Variants in LNX1 observed in about 807,000 individuals in gnomAD.
The protein encoded by LNX1 is E3 ubiquitin-protein ligase LNX.
In LNX1, 54 loss-of-function variants were observed where a neutral mutation model predicts 68.4. The observed-to-expected ratio is 0.79, with a 90% confidence interval of 0.63 to 0.99. The LOEUF (loss-of-function observed/expected upper bound fraction) is 0.99, where lower values mean the gene tolerates loss of function less well. Ranked by LOEUF, LNX1 falls within the 50% of genes least tolerant of loss-of-function variation. The probability of loss-of-function intolerance (pLI) is 0.00; values close to 1 mark genes in which losing one functional copy is unlikely to be tolerated. For missense variants in LNX1, 906 were observed against 926.4 expected, an observed-to-expected ratio of 0.98 and a Z score of 0.29; for synonymous variants, 336 against 350.0, an observed-to-expected ratio of 0.96 and a Z score of 0.45.
chr4:53,462,687 C>A (rs1231795095), intron 9 of LNX1, among the ~76,000 whole-genome samples: 1 of 152,060 alleles, frequency 6.6e-6, no homozygotes, highest in Non-Finnish European at 1.5e-5. Context: ...TAGGGTTTGG[C>A]AAATACCTTT....
intron 2 of LNX1, among the ~76,000 whole-genome samples, chr4:53,561,442 G>A (rs1730279713): frequency 6.6e-6 from 1 of 152,108 alleles, no homozygotes; most frequent in Admixed American, 6.6e-5. Flanking sequence ...TGGCCATGAT[G>A]GTCTTGATCT....
chr4:53,486,953 T>A (rs1394088384), intron 6 of LNX1, among the ~76,000 whole-genome samples: 2 of 152,030 alleles, frequency 1.3e-5, no homozygotes, highest in Non-Finnish European at 2.9e-5. Context: ...CATCTTTAAA[T>A]AACAAAGCCT....
At position 53,496,411 on chromosome 4, in the gene LNX1, C is replaced by G; in HGVS notation, c.979-17G>C. The G allele has an allele frequency of 3.2e-6, 5 of 1,570,050 alleles. No homozygotes were observed. The highest frequency in any genetic ancestry group is 4.3e-6 in the Non-Finnish European group (5 of 1,158,724). On this transcript the variant is annotated splice_polypyrimidine_tract_variant and intron_variant, in intron 5 of 10. Transcript: ENST00000263925. ...CCCGTTGACCTGGGGGCAGGTGGAA[C>G]AATCGTGCGGTCAGCTCCACCTGCC...
intron 9 of LNX1, among the ~76,000 whole-genome samples, chr4:53,470,750 GA>G (rs958680534): frequency 2.0e-5 from 3 of 152,054 alleles, no homozygotes; most frequent in Admixed American, 6.6e-5. Flanking sequence ...TTGCTTCAAA[GA>G]TAATAAAATA....
rs1330045355 is a variant in LNX1, at chr4:53,472,165, G to T, written c.1892+4588C>A. On this transcript the variant is annotated intron_variant, in intron 9 of 10. Coordinates refer to ENST00000263925, the MANE Select transcript of LNX1 (RefSeq NM_001126328.3). ...TGGAATACTATGTAGCCATAAAAAA[G>T]GATGAGTTCATGTCCTTTGTAGGGA... 7.2e-5 allele frequency among the ~76,000 whole-genome samples: 11 copies of T among 152,230 alleles called. No homozygotes were observed. In the East Asian group the frequency reaches 2.1e-3, roughly 29 times the overall value.
chr4:53,644,566 A>T (rs1232892897), intron 1 of LNX1, among the ~76,000 whole-genome samples: 1 of 152,224 alleles, frequency 6.6e-6, no homozygotes, highest in African/African-American at 2.4e-5. Flanking sequence ...AATTTACACA[A>T]TGAAGTTTAT....
At chr4:53,469,709 A>T (rs1723007486) in intron 9 of LNX1, among the ~76,000 whole-genome samples, 1 of 152,240 alleles carries the variant, frequency 6.6e-6, no homozygotes, top group African/African-American at 2.4e-5. Context: ...AATACTATAA[A>T]CACCTCTATG....
At chr4:53,484,416 A>T (rs984509010) in intron 6 of LNX1, among the ~76,000 whole-genome samples, 2 of 152,092 alleles carry the variant, frequency 1.3e-5, no homozygotes, top group Non-Finnish European at 2.9e-5. Flanking sequence ...TACAAAAATC[A>T]GCCAGTCGTG....
rs77755110 is a variant in LNX1 at position 53,529,686 on chromosome 4, G to C, written c.381-21459C>G. On this transcript the variant is annotated intron_variant, in intron 2 of 10. Coordinates refer to ENST00000263925, the MANE Select transcript of LNX1 (RefSeq NM_001126328.3). ...CCAGAGTGTGAGAGAGTCAGGAGGAGGTGTACAAGCTACCACCATAGTAGG... is the reference window on the plus strand; with the variant it reads ...CCAGAGTGTGAGAGAGTCAGGAGGACGTGTACAAGCTACCACCATAGTAGG... Among the ~76,000 whole-genome samples, 900 of 152,236 alleles carry C rather than the reference G, an allele frequency of 5.9e-3. 10 individuals are homozygous for C. Among genetic ancestry groups the C allele is most frequent in the Non-Finnish European group, 7.6e-3 (520 of 68,012 alleles).
At chr4:53,616,374 C>T (rs1003813856) in intron 2 of LNX1, 4 of 152,324 alleles carry the variant, frequency 2.6e-5, no homozygotes, top group Non-Finnish European at 4.4e-5. Context: ...CAGTGTCCTG[C>T]GCCTGGGTCA....
At chr4:53,581,967 A>AT (rs1238541774) in intron 1 of LNX1, among the ~76,000 whole-genome samples, 3 of 152,054 alleles carry the variant, frequency 2.0e-5, no homozygotes, top group Admixed American at 1.3e-4. Context: ...TTCATTTTGC[A>AT]TTTTTTTAAA....
chr4:53,651,670 C>A (rs894375224), intron 1 of LNX1, among the ~76,000 whole-genome samples: 1 of 152,178 alleles, frequency 6.6e-6, no homozygotes, highest in African/African-American at 2.4e-5. Context: ...CCCTACACAC[C>A]CGTGAGCAGG....
At chr4:53,571,062 G>A (rs1577734047) in intron 2 of LNX1, among the ~76,000 whole-genome samples, 1 of 149,936 alleles carries the variant, frequency 6.7e-6, no homozygotes. Context: ...TTTTTGAGAT[G>A]GAGTCTCGCT....
At position 53,512,508 on chromosome 4, in the gene LNX1, G is replaced by GTGTA. The variant is rs1553933802; in HGVS notation, c.381-4282_381-4281insTACA. Among the ~76,000 whole-genome samples, 174 of 149,346 alleles carry GTGTA rather than the reference G, an allele frequency of 1.2e-3. 1 individual carries two copies. Among genetic ancestry groups the GTGTA allele is most frequent in the Middle Eastern group, 6.9e-3 (2 of 288 alleles). ...TGTTTGTGTGTGTGTGTGTGTGTGTGTGTGTGTGTGCATGCAGAGGGGAGA... is the reference window on the plus strand; with the variant it reads ...TGTTTGTGTGTGTGTGTGTGTGTGTGTGTATGTGTGTGTGCATGCAGAGGGGAGA... On this transcript the variant is annotated intron_variant, in intron 2 of 10. Transcript: ENST00000263925.
chr4:53,519,967 A>T (rs769155171), intron 2 of LNX1, among the ~76,000 whole-genome samples: 1 of 152,236 alleles, frequency 6.6e-6, no homozygotes, highest in East Asian at 1.9e-4. Flanking sequence ...TGCTCACCCT[A>T]TAAGTGACAG....
At position 53,598,576 on chromosome 4, in the gene LNX1, G is replaced by A. The variant is rs1473241697; in HGVS notation, c.-214-7061C>T. ...GACTGTTTCCTCTCTAGACAGCGAG[G>A]AAAGGAATGTGACTTTCCACGTACT... On this transcript the variant is annotated intron_variant, in intron 2 of 3. Transcript: ENST00000504299. Among the ~76,000 whole-genome samples, 5 of 152,288 alleles carry A rather than the reference G, an allele frequency of 3.3e-5. No individual in the cohort carries two copies. The East Asian group carries it at 9.6e-4, about 29-fold the overall frequency.
intron 5 of LNX1, among the ~76,000 whole-genome samples, chr4:53,497,160 C>T (rs951950373): frequency 6.6e-6 from 1 of 152,226 alleles, no homozygotes; most frequent in African/African-American, 2.4e-5. Flanking sequence ...TCGGCCCTCT[C>T]ATTTGTGCCT....
intron 2 of LNX1, among the ~76,000 whole-genome samples, chr4:53,556,195 C>G (rs752646608): frequency 5.3e-5 from 8 of 152,110 alleles, no homozygotes; most frequent in Non-Finnish European, 8.8e-5. Context: ...GAAGAGGACA[C>G]TGAGGAGAAG....
At chr4:53,486,923 A>G (rs1269693650) in intron 6 of LNX1, among the ~76,000 whole-genome samples, 1 of 150,894 alleles carries the variant, frequency 6.6e-6, no homozygotes, top group Non-Finnish European at 1.5e-5. Flanking sequence ...CATAGTCCAG[A>G]AGCCTCATTT....
Sources: gnomAD v4.1 joint callset for allele counts (sites outside exome capture counted in the v4.1 genomes callset) on GRCh38, gnomAD v4.1.1 for gene constraint, MANE v1.5 for transcripts, NCBI Gene and HGNC (gene_info 2026-07-23, HGNC 2026-07-21) for gene names.